Variants in SIRT1 observed in about 807,000 individuals in gnomAD.
SIRT1 encodes NAD-dependent protein deacetylase sirtuin-1.
SIRT1 carries 24 observed loss-of-function variants against 67.9 expected under a neutral mutation model. The observed-to-expected ratio is 0.35, with a 90% confidence interval of 0.26 to 0.50. SIRT1 has a LOEUF of 0.50. Ranked by LOEUF, SIRT1 falls within the 20% of genes least tolerant of loss-of-function variation. The probability of loss-of-function intolerance (pLI) is 0.98; values close to 1 mark genes in which losing one functional copy is unlikely to be tolerated. For missense variants in SIRT1, 873 were observed against 937.2 expected (o/e 0.93, Z 0.89); for synonymous variants, 378 against 350.7 (o/e 1.08, Z -0.87).
At chr10:67,894,250 G>C (rs1842619554) in intron 4 of SIRT1, among the ~76,000 whole-genome samples, 1 of 152,158 alleles carries the variant, frequency 6.6e-6, no homozygotes, top group Non-Finnish European at 1.5e-5. Flanking sequence ...GCTATCAAGA[G>C]AATTTTTAAC....
chr10:67,889,224 A>G (rs1452771365), intron 3 of SIRT1, 101 bp downstream of exon 3: 4 of 1,323,944 alleles, frequency 3.0e-6, no homozygotes, highest in Middle Eastern at 2.5e-4. Context: ...TCCTTACATG[A>G]TAATGGATGT....
intron 4 of SIRT1, 83 bp downstream of exon 4, chr10:67,891,637 C>T (rs541783768): frequency 2.2e-5 from 31 of 1,378,814 alleles, no homozygotes; most frequent in South Asian, 2.0e-4. Context: ...TTAAGGTTAT[C>T]GTTCATTGTT....
chr10:67,891,344 G>C, intron 3 of SIRT1, 58 bp from the exon 4 acceptor site: 1 of 1,505,968 alleles, frequency 6.6e-7, no homozygotes, highest in Admixed American at 1.7e-5. Flanking sequence ...AAGAGAGCTA[G>C]CTAGTTCCTA....
intron 4 of SIRT1, among the ~76,000 whole-genome samples, chr10:67,899,976 C>G (rs746496264): frequency 1.3e-5 from 2 of 151,758 alleles, no homozygotes; most frequent in Non-Finnish European, 2.9e-5. Context: ...CCCAGCTGTT[C>G]GGAAGGCTGA....
At chr10:67,911,090 C>T (rs575737253) in intron 7 of SIRT1, among the ~76,000 whole-genome samples, 1 of 152,296 alleles carries the variant, frequency 6.6e-6, no homozygotes, top group South Asian at 2.1e-4. Flanking sequence ...AAGTAGAATA[C>T]AAGACAATTT....
At chr10:67,893,147 A>G (rs1842599857) in intron 4 of SIRT1, among the ~76,000 whole-genome samples, 1 of 124,486 alleles carries the variant, frequency 8.0e-6, no homozygotes, top group Non-Finnish European at 1.9e-5. Context: ...ATTTTATTTT[A>G]CTTTAAGTGC....
At chr10:67,907,005 C>A in intron 5 of SIRT1, 68 bp downstream of exon 5, 2 of 1,337,376 alleles carry the variant, frequency 1.5e-6, no homozygotes, top group Non-Finnish European at 2.0e-6. Flanking sequence ...TCCTATAAAG[C>A]TGACTGCCAT....
In SIRT1 at chr10:67,912,635, C is replaced by T. The variant is rs1842917153; in HGVS notation, c.1519C>T (p.Leu507Phe). 6.2e-7 allele frequency: 1 copy of T among 1,613,980 alleles called. No individual in the cohort carries two copies. Among genetic ancestry groups the T allele is most frequent in the African/African-American group, 1.3e-5 (1 of 74,914 alleles). The change falls in exon 8 of 9, where the codon CTT becomes TTT. Residue 507 changes from leucine (L) to phenylalanine (F), a missense_variant. By Grantham distance (22) the Leu-to-Phe change is conservative. Transcript: ENST00000212015. Reference sequence around the variant, plus strand: ...CAAACTTTGCTGTAACCCTGTAAAGCTTTCAGAAATTACTGAAAAACCTCC... The same window carrying T: ...CAAACTTTGCTGTAACCCTGTAAAGTTTTCAGAAATTACTGAAAAACCTCC... Reference protein sequence around the residue: ...YAKLCCNPVKLSEITEKPPRT... With the variant: ...YAKLCCNPVKFSEITEKPPRT...
intron 4 of SIRT1, 23 bp downstream of exon 4, chr10:67,891,577 T>C: frequency 6.2e-7 from 1 of 1,611,308 alleles, no homozygotes; most frequent in Non-Finnish European, 8.5e-7. Flanking sequence ...CTTCTGGTTG[T>C]TTCTTTGGCC....
rs1420793596 is a variant in SIRT1 at position 67,916,871 on chromosome 10, T to A, written c.*278T>A. 1 of 234,806 alleles carries A rather than the reference T, an allele frequency of 4.3e-6. No individual in the cohort carries two copies. Among genetic ancestry groups the A allele is most frequent in the Admixed American group, 5.3e-5 (1 of 18,870 alleles). The allele number at this position is 234,806 out of a possible 1,614,324, so 14.5% of individuals were successfully genotyped here. ...AGACTAACTTTCTTTTAAAGGTTCA[T>A]TTGTATGATAAATTCATATGTGTAT... On this transcript the variant is annotated 3_prime_UTR_variant, in exon 9 of 9. Coordinates refer to ENST00000212015, the MANE Select transcript of SIRT1 (RefSeq NM_012238.5).
At chr10:67,915,911 GCA>G (rs1215639605) in intron 8 of SIRT1, among the ~76,000 whole-genome samples, 1 of 152,132 alleles carries the variant, frequency 6.6e-6, no homozygotes, top group African/African-American at 2.4e-5. Context: ...GGAAATTGAG[GCA>G]CAGAGGTACA....
At chr10:67,888,592 G>A (rs914379727) in intron 2 of SIRT1, among the ~76,000 whole-genome samples, 1 of 152,084 alleles carries the variant, frequency 6.6e-6, no homozygotes, top group Non-Finnish European at 1.5e-5. Context: ...GTATTATGGT[G>A]TGTGTTTCTA....
At chr10:67,885,635 AT>A (rs763116965) in intron 1 of SIRT1, among the ~76,000 whole-genome samples, 5 of 151,700 alleles carry the variant, frequency 3.3e-5, no homozygotes, top group Non-Finnish European at 5.9e-5. Flanking sequence ...TTTGGTCTAT[AT>A]TTTTATGACT....
chr10:67,913,513 C>T (rs1842932015), intron 8 of SIRT1, among the ~76,000 whole-genome samples: 1 of 152,208 alleles, frequency 6.6e-6, no homozygotes. Context: ...GGTGTTGTCT[C>T]AGATGTAGAA....
intron 4 of SIRT1, among the ~76,000 whole-genome samples, chr10:67,899,000 T>TG (rs1842701709): frequency 1.3e-5 from 2 of 152,324 alleles, no homozygotes; most frequent in South Asian, 4.1e-4. Flanking sequence ...CAAATAGTGT[T>TG]GCTACAGTTG....
chr10:67,895,733 G>GGTT (rs1842644927), intron 4 of SIRT1, among the ~76,000 whole-genome samples: 2 of 42,722 alleles, frequency 4.7e-5, no homozygotes, highest in African/African-American at 1.7e-4. Context: ...GAATTAACTT[G>GGTT]TTTTTTTTTT....
chr10:67,893,631 A>G (rs2131856006), intron 4 of SIRT1, among the ~76,000 whole-genome samples: 1 of 142,976 alleles, frequency 7.0e-6, no homozygotes, highest in South Asian at 2.2e-4. Context: ...TACAACCTCC[A>G]CTTCCCGAGT....
Position 67,912,523 on chromosome 10 carries a change from G to A in SIRT1, c.1407G>A (p.Leu469=). The change falls in exon 8 of 9, where the codon TTG becomes TTA. Residue 469 remains leucine (L), a synonymous_variant. Coordinates refer to ENST00000212015, the MANE Select transcript of SIRT1 (RefSeq NM_012238.5). The part of the protein sequence containing the change: ...VPQILINREP[L]PHLHFDVELL... ...AGATATTAATTAATAGAGAACCTTT[G>A]CCTCATCTGCATTTTGATGTAGAGC... is the stretch of plus-strand genomic sequence containing the variant. 6.2e-7 allele frequency: 1 copy of A among 1,613,854 alleles called. No individual in the cohort carries two copies. Among genetic ancestry groups the A allele is most frequent in the South Asian group, 1.1e-5 (1 of 91,030 alleles).
At chr10:67,898,452 T>C (rs1054552264) in intron 4 of SIRT1, among the ~76,000 whole-genome samples, 10 of 152,124 alleles carry the variant, frequency 6.6e-5, no homozygotes, top group African/African-American at 2.4e-4. Context: ...TTCAAAAAAT[T>C]ATTACTTTAT....
Sources: allele counts gnomAD v4.1 joint callset (sites outside exome capture counted in the v4.1 genomes callset), GRCh38; gene constraint gnomAD v4.1.1; transcripts MANE v1.5; gene names NCBI Gene and HGNC (gene_info 2026-07-23, HGNC 2026-07-21).